BLOC1S5: variants seen among roughly 807,000 people sequenced by gnomAD.
The protein encoded by BLOC1S5 is biogenesis of lysosome-related organelles complex 1 subunit 5.
BLOC1S5 carries 27 observed loss-of-function variants against 24.3 expected under a neutral mutation model. The ratio of observed to expected loss-of-function variants is 1.11; its 90% CI spans 0.82 to 1.53. The LOEUF (loss-of-function observed/expected upper bound fraction) is 1.53, where lower values mean the gene tolerates loss of function less well. Among genes scored for constraint, BLOC1S5 ranks in the 40% most tolerant of loss-of-function variants. The pLI, the probability that BLOC1S5 is intolerant of heterozygous loss-of-function variation, is 0.00. For missense variants in BLOC1S5, 239 were observed against 229.4 expected (o/e 1.04, Z -0.27); for synonymous variants, 84 against 74.5 (o/e 1.13, Z -0.66).
intron 2 of BLOC1S5, among the ~76,000 whole-genome samples, chr6:8,049,588 C>T (rs1764036319): frequency 6.6e-6 from 1 of 152,134 alleles, no homozygotes; most frequent in South Asian, 2.1e-4. Flanking sequence ...CTACTCCTAT[C>T]CTTTGCACCC....
intron 2 of BLOC1S5, among the ~76,000 whole-genome samples, chr6:8,041,666 A>T (rs1417931036): frequency 9.5e-5 from 3 of 31,448 alleles, no homozygotes; most frequent in Non-Finnish European, 2.6e-4. Context: ...TTTTTTTTTG[A>T]GATGCAGTCT....
intron 3 of BLOC1S5, among the ~76,000 whole-genome samples, chr6:8,032,365 A>G (rs1763329534): frequency 6.6e-6 from 1 of 152,198 alleles, no homozygotes; most frequent in African/African-American, 2.4e-5. Flanking sequence ...AAAATGCTCA[A>G]TATCAATAAT....
chr6:8,046,954 A>G (rs905869634), intron 2 of BLOC1S5, among the ~76,000 whole-genome samples: 4 of 151,086 alleles, frequency 2.6e-5, no homozygotes, highest in Non-Finnish European at 5.9e-5. Flanking sequence ...TTTCTTTTTT[A>G]AAAATTTTTT....
intron 2 of BLOC1S5, 43 bp from the exon 3 acceptor site, chr6:8,041,311 C>CTTTT (rs376882841): frequency 1.9e-5 from 15 of 771,466 alleles, no homozygotes; most frequent in African/African-American, 4.8e-5. Flanking sequence ...GGTGTCTTTT[C>CTTTT]CTTTTTTTTT....
chr6:8,058,480 A>G (rs1175481989), intron 2 of BLOC1S5, among the ~76,000 whole-genome samples: 3 of 151,966 alleles, frequency 2.0e-5, no homozygotes, highest in Non-Finnish European at 4.4e-5. Flanking sequence ...ATTTACATGT[A>G]CAAGAGAATG....
chr6:8,047,918 T>G (rs1429604181), intron 2 of BLOC1S5, among the ~76,000 whole-genome samples: 2 of 152,214 alleles, frequency 1.3e-5, no homozygotes, highest in Non-Finnish European at 2.9e-5. Context: ...TTACTCTGAG[T>G]AATGTTCACA....
chr6:8,017,385 A>AACACACACACACAC (rs59166291), intron 4 of BLOC1S5, among the ~76,000 whole-genome samples: 29 of 149,626 alleles, frequency 1.9e-4, no homozygotes, highest in Admixed American at 1.1e-3. Flanking sequence ...CTCAAAAACA[A>AACACACACACACAC]ACACACACAC....
At chr6:8,031,732 T>C (rs972400619) in intron 3 of BLOC1S5, among the ~76,000 whole-genome samples, 6 of 152,092 alleles carry the variant, frequency 3.9e-5, no homozygotes, top group South Asian at 4.1e-4. Flanking sequence ...TACAAGGCTA[T>C]AGTCACCAAA....
At chr6:8,022,226 G>A (rs1762937455) in intron 4 of BLOC1S5, among the ~76,000 whole-genome samples, 1 of 149,376 alleles carries the variant, frequency 6.7e-6, no homozygotes, top group Admixed American at 6.8e-5. Context: ...ACAGGTTGTG[G>A]GGAGGTGCTA....
Position 8,013,640 on chromosome 6 carries a change from CCA to C in BLOC1S5, c.*2007_*2008del, listed in dbSNP as rs1417096840. 1 of 152,136 alleles carries C rather than the reference CCA, an allele frequency of 6.6e-6. No individual in the cohort carries two copies. Among genetic ancestry groups the C allele is most frequent in the African/African-American group, 2.4e-5 (1 of 41,432 alleles). The allele number at this position is 152,136 out of a possible 1,614,324, so 9.4% of individuals were successfully genotyped here. On this transcript the variant is annotated 3_prime_UTR_variant, in exon 5 of 5. Coordinates refer to ENST00000397457, the MANE Select transcript of BLOC1S5 (RefSeq NM_201280.3). ...AATCTTTGCTATACAAGTTGGGTAGCCACAGTTAAGAATATATTCCCTTCACA... is the reference window on the plus strand; with the variant it reads ...AATCTTTGCTATACAAGTTGGGTAGCCAGTTAAGAATATATTCCCTTCACA...
intron 3 of BLOC1S5, among the ~76,000 whole-genome samples, chr6:8,037,979 C>T (rs1763543819): frequency 6.6e-6 from 1 of 152,174 alleles, no homozygotes; most frequent in Non-Finnish European, 1.5e-5. Flanking sequence ...ACCTCTGTCT[C>T]TCACCATCCA....
intron 3 of BLOC1S5, among the ~76,000 whole-genome samples, chr6:8,040,297 G>GA (rs1397404494): frequency 6.6e-6 from 1 of 152,016 alleles, no homozygotes; most frequent in Non-Finnish European, 1.5e-5. Context: ...TTAAAAAAAT[G>GA]AAAAAATACA....
chr6:8,031,478 A>AGAAAT, intron 3 of BLOC1S5, among the ~76,000 whole-genome samples: 1 of 152,186 alleles, frequency 6.6e-6, no homozygotes, highest in Non-Finnish European at 1.5e-5. Flanking sequence ...CACAGACGAC[A>AGAAAT]CATATGGAAA....
chr6:8,026,270 A>T, intron 4 of BLOC1S5, 97 bp downstream of exon 4: 1 of 949,676 alleles, frequency 1.1e-6, no homozygotes, highest in Non-Finnish European at 1.7e-6. Flanking sequence ...TGTAAAACTC[A>T]CTGCATTCAG....
At chr6:8,028,376 A>AC in intron 3 of BLOC1S5, among the ~76,000 whole-genome samples, 1 of 152,158 alleles carries the variant, frequency 6.6e-6, no homozygotes, top group East Asian at 1.9e-4. Context: ...AAAAAAAAAA[A>AC]ACAGGAGTTG....
intron 3 of BLOC1S5, among the ~76,000 whole-genome samples, chr6:8,028,924 A>G (rs892166566): frequency 2.0e-5 from 3 of 152,010 alleles, no homozygotes; most frequent in African/African-American, 7.3e-5. Flanking sequence ...GTACGAAGTC[A>G]TTTCCCCTGT....
chr6:8,054,558 G>A (rs1388195207), intron 2 of BLOC1S5, among the ~76,000 whole-genome samples: 2 of 152,204 alleles, frequency 1.3e-5, no homozygotes, highest in Non-Finnish European at 2.9e-5. Flanking sequence ...GGGTCAATTT[G>A]GCTGGATATA....
chr6:8,042,680 T>C (rs7750084), intron 2 of BLOC1S5, among the ~76,000 whole-genome samples: 5,939 of 152,308 alleles, frequency 0.039, 364 homozygotes, highest in African/African-American at 0.13. Flanking sequence ...TGTTAGTCTA[T>C]TTTATGTGTG....
rs75703483 is a variant in BLOC1S5 at position 8,026,693 on chromosome 6, A to G, written c.326-268T>C. The stretch of plus-strand genomic sequence containing the variant: ...GCATTTAAATACTAACTCCAATGAC[A>G]GATTGTCTACAGCTCTCTCACTGCA... On this transcript the variant is annotated intron_variant, in intron 3 of 4. Transcript: ENST00000397457. Among the ~76,000 whole-genome samples, 43 of 152,326 alleles carry G rather than the reference A, an allele frequency of 2.8e-4. No homozygotes were observed. In the East Asian group the frequency reaches 6.0e-3, roughly 21 times the overall value.
Sources: allele counts gnomAD v4.1 joint callset (sites outside exome capture counted in the v4.1 genomes callset), GRCh38; gene constraint gnomAD v4.1.1; transcripts MANE v1.5; gene names NCBI Gene and HGNC (gene_info 2026-07-23, HGNC 2026-07-21).